Variants in VPS33A observed in about 807,000 individuals in gnomAD.
VPS33A encodes vacuolar protein sorting-associated protein 33A.
A neutral mutation model predicts 71.8 loss-of-function variants in VPS33A; 32 were observed. That is an observed-to-expected ratio of 0.45 (90% confidence interval 0.34 to 0.60). VPS33A has a LOEUF of 0.60. Ranked by LOEUF, VPS33A falls within the 20% of genes least tolerant of loss-of-function variation. The probability of loss-of-function intolerance (pLI) is 0.02; values close to 1 mark genes in which losing one functional copy is unlikely to be tolerated. For synonymous variants in VPS33A, 311 were observed against 292.7 expected (o/e 1.06, Z -0.64); for missense variants, 625 against 748.5 (o/e 0.84, Z 1.92).
At chr12:122,254,400 C>A (rs928814835) in intron 4 of VPS33A, among the ~76,000 whole-genome samples, 1 of 113,124 alleles carries the variant, frequency 8.8e-6, no homozygotes, top group Non-Finnish European at 1.7e-5. Context: ...AATCCACCCC[C>A]CCGCCTTTTT....
intron 8 of VPS33A, 123 bp from the exon 9 acceptor site, chr12:122,240,068 C>T (rs947059049): frequency 1.4e-6 from 1 of 723,484 alleles, no homozygotes. Flanking sequence ...TGGCTCACAC[C>T]TGTAATCTCA....
At chr12:122,237,663 C>T (rs1954648146) in intron 10 of VPS33A, among the ~76,000 whole-genome samples, 1 of 138,146 alleles carries the variant, frequency 7.2e-6, no homozygotes, top group African/African-American at 3.1e-5. Context: ...CCTGCCTCAG[C>T]CTCCCGAGTA....
Position 122,242,432 on chromosome 12 carries a change from C to T in VPS33A, c.1046G>A (p.Gly349Asp). Reference protein sequence around the residue: ...SQLPHMQAARGSLANHTSIAE... With the variant: ...SQLPHMQAARDSLANHTSIAE... ...AATTGAGGTATGGTTTGCAAGCGAG[C>T]CCCTTGCTGCCTGCATGTGGGGCAA... Residue 349 changes from glycine (G) to aspartate (D), a missense_variant, in exon 8 of 13, where the codon GGC (glycine) becomes GAC (aspartate). Transcript: ENST00000267199. 1 of 1,614,124 alleles carries T rather than the reference C, an allele frequency of 6.2e-7. No homozygotes were observed. The highest frequency in any genetic ancestry group is 8.5e-7 in the Non-Finnish European group (1 of 1,179,988).
chr12:122,232,930 G>A lies in VPS33A; in HGVS notation c.1479C>T (p.Ala493=). 1 of 1,613,866 alleles carries A rather than the reference G, an allele frequency of 6.2e-7. No homozygotes were observed. Among genetic ancestry groups the A allele is most frequent in the South Asian group, 1.1e-5 (1 of 91,066 alleles). ...TDISYVYSGY[A]PLSVRLAQLL... ...GCTGGGCCAGCCGCACACTGAGCGG[G>A]GCATACCCACTGTACACATACGATA... The change falls in exon 12 of 13, where the codon GCC becomes GCT. Residue 493 remains alanine (A), a synonymous_variant. Transcript: ENST00000267199.
chr12:122,255,709 A>C, intron 4 of VPS33A, among the ~76,000 whole-genome samples: 4 of 147,532 alleles, frequency 2.7e-5, no homozygotes. Context: ...CTCCGTCTCA[A>C]AAAAAAAAAA....
intron 6 of VPS33A, among the ~76,000 whole-genome samples, chr12:122,245,443 GTT>G (rs757738399): frequency 3.8e-5 from 5 of 133,172 alleles, no homozygotes; most frequent in African/African-American, 2.7e-5. Context: ...TTCACGTTCT[GTT>G]TTTTTTTTTT....
intron 4 of VPS33A, among the ~76,000 whole-genome samples, chr12:122,252,306 T>C (rs1954856048): frequency 6.6e-6 from 1 of 151,812 alleles, no homozygotes; most frequent in South Asian, 2.1e-4. Flanking sequence ...TCTCGCTCTG[T>C]CGCCCTGGCT....
At chr12:122,255,014 G>A (rs949019349) in intron 4 of VPS33A, among the ~76,000 whole-genome samples, 1 of 148,182 alleles carries the variant, frequency 6.7e-6, no homozygotes, top group Non-Finnish European at 1.5e-5. Context: ...TGGCACCAAC[G>A]CACTCCAGCC....
At chr12:122,242,173 G>A (rs1309061913) in intron 8 of VPS33A, among the ~76,000 whole-genome samples, 1 of 152,158 alleles carries the variant, frequency 6.6e-6, no homozygotes, top group Non-Finnish European at 1.5e-5. Flanking sequence ...CTCCCGAAGT[G>A]CTGGGATTAC....
At chr12:122,262,991 CTTTTTTTT>C (rs35647648) in intron 3 of VPS33A, among the ~76,000 whole-genome samples, 1 of 127,880 alleles carries the variant, frequency 7.8e-6, no homozygotes, top group African/African-American at 3.4e-5. Flanking sequence ...CAATTACACT[CTTTTTTTT>C]TTTTTTTTTT....
chr12:122,263,675 T>C lies in VPS33A; in HGVS notation c.193A>G (p.Thr65Ala), dbSNP rs758136442. 2 of 1,610,640 alleles carry C rather than the reference T, an allele frequency of 1.2e-6. No homozygotes were observed. Among genetic ancestry groups the C allele is most frequent in the Non-Finnish European group, 1.7e-6 (2 of 1,177,682 alleles). The change falls in exon 3 of 13, where the codon ACA becomes GCA. Residue 65 changes from threonine (T) to alanine (A), a missense_variant. Coordinates refer to ENST00000267199, the MANE Select transcript of VPS33A (RefSeq NM_022916.6). ...LKEHEVEKMFTLKGNRLPAAD... is the reference protein window; with the variant it reads ...LKEHEVEKMFALKGNRLPAAD... ...GCCGGCAAACGATTTCCTTTAAGTG[T>C]GAACATTTTTTCCACTTCATGTTCC... is the stretch of plus-strand genomic sequence containing the variant.
At chr12:122,261,539 G>T in intron 3 of VPS33A, 92 bp from the exon 4 acceptor site, 2 of 1,190,388 alleles carry the variant, frequency 1.7e-6, no homozygotes, top group Non-Finnish European at 2.4e-6. Context: ...CACATAGCAG[G>T]CACTAAATAA....
intron 6 of VPS33A, 87 bp from the exon 7 acceptor site, chr12:122,244,849 C>G: frequency 4.3e-6 from 6 of 1,399,290 alleles, no homozygotes; most frequent in Non-Finnish European, 5.8e-6. Context: ...GAATTTCCAA[C>G]TCAGGAGAAA....
chr12:122,264,455 A>T (rs1047416739), intron 1 of VPS33A, among the ~76,000 whole-genome samples: 1 of 152,212 alleles, frequency 6.6e-6, no homozygotes, highest in East Asian at 1.9e-4. Flanking sequence ...CAGTGGTGTG[A>T]TATCAGCGTA....
At chr12:122,247,792 C>T (rs1226487803) in intron 6 of VPS33A, among the ~76,000 whole-genome samples, 2 of 152,128 alleles carry the variant, frequency 1.3e-5, no homozygotes, top group East Asian at 1.9e-4. Context: ...ACTCCCCATC[C>T]CCTTCCTGTA....
chr12:122,239,986 G>T, intron 8 of VPS33A, 41 bp from the exon 9 acceptor site: 3 of 1,443,048 alleles, frequency 2.1e-6, no homozygotes, highest in Non-Finnish European at 2.9e-6. Flanking sequence ...GAAATTAAAT[G>T]TTAATTTACT....
At chr12:122,250,101 A>C in intron 5 of VPS33A, 56 bp from the exon 6 acceptor site, 3 of 1,498,016 alleles carry the variant, frequency 2.0e-6, no homozygotes, top group Non-Finnish European at 2.7e-6. Context: ...CAGATTTTAA[A>C]ATTTGTCTAA....
At chr12:122,260,489 G>A (rs1954978766) in intron 4 of VPS33A, among the ~76,000 whole-genome samples, 1 of 151,788 alleles carries the variant, frequency 6.6e-6, no homozygotes, top group Non-Finnish European at 1.5e-5. Flanking sequence ...AGTAGAGACG[G>A]GGTTTCCCCA....
chr12:122,257,485 A>G (rs1954934830), intron 4 of VPS33A, among the ~76,000 whole-genome samples: 1 of 150,544 alleles, frequency 6.6e-6, no homozygotes, highest in Non-Finnish European at 1.5e-5. Context: ...GAGGCTGGAC[A>G]ACACGGTGAA....
Sources: gnomAD v4.1 joint callset for allele counts (sites outside exome capture counted in the v4.1 genomes callset) on GRCh38, gnomAD v4.1.1 for gene constraint, MANE v1.5 for transcripts, NCBI Gene and HGNC (gene_info 2026-07-23, HGNC 2026-07-21) for gene names.